Variants in FRY observed in about 807,000 individuals in gnomAD.
FRY encodes protein furry homolog.
Under a neutral mutation model 348.4 loss-of-function variants are expected in FRY, and 128 were observed. The ratio of observed to expected loss-of-function variants is 0.37; its 90% CI spans 0.32 to 0.43. FRY has a LOEUF of 0.43. FRY is among the 20% of genes least tolerant of loss of function. FRY has a pLI of 1.00. For missense variants in FRY, 2,736 were observed against 3,695.2 expected, an observed-to-expected ratio of 0.74 and a Z score of 6.73; for synonymous variants, 1,370 against 1,374.7, an observed-to-expected ratio of 1.00 and a Z score of 0.08.
chr13:32,096,303 C>A (rs895551502), intron 2 of FRY, among the ~76,000 whole-genome samples: 1 of 152,044 alleles, frequency 6.6e-6, no homozygotes, highest in Non-Finnish European at 1.5e-5. Context: ...TTTAACACAC[C>A]CTGATAACTT....
At chr13:32,121,403 TC>T (rs59578089) in intron 4 of FRY, among the ~76,000 whole-genome samples, 12,399 of 152,286 alleles carry the variant, frequency 0.081, 548 homozygotes, top group African/African-American at 0.13. Flanking sequence ...GCAGAAGTGT[TC>T]CCTGTTCACT....
intron 40 of FRY, 49 bp downstream of exon 40, chr13:32,228,703 A>G (rs1427301723): frequency 6.7e-7 from 1 of 1,491,710 alleles, no homozygotes; most frequent in Non-Finnish European, 9.4e-7. Flanking sequence ...GGTCTTTCGG[A>G]AAATTGCCAA....
intron 1 of FRY, among the ~76,000 whole-genome samples, chr13:32,058,561 C>T (rs1292497290): frequency 6.6e-6 from 1 of 152,210 alleles, no homozygotes; most frequent in Non-Finnish European, 1.5e-5. Context: ...CATCAGCTGA[C>T]AGCTGTCACT....
intron 1 of FRY, among the ~76,000 whole-genome samples, chr13:32,036,931 T>A (rs1012386162): frequency 3.9e-5 from 6 of 151,972 alleles, no homozygotes; most frequent in African/African-American, 1.5e-4. Flanking sequence ...TCATTTTTAG[T>A]TTTGTTGGCT....
intron 1 of FRY, among the ~76,000 whole-genome samples, chr13:32,070,802 A>C (rs1468880016): frequency 2.6e-5 from 4 of 152,110 alleles, no homozygotes; most frequent in Non-Finnish European, 5.9e-5. Context: ...TATGTCCTGA[A>C]TGGTATTGCC....
intron 1 of FRY, among the ~76,000 whole-genome samples, chr13:32,068,453 G>A (rs1874396336): frequency 6.6e-6 from 1 of 152,148 alleles, no homozygotes; most frequent in Admixed American, 6.5e-5. Flanking sequence ...CTTTGCGCAC[G>A]GATCTTGGCA....
In FRY at chr13:32,249,635, C is replaced by G; in HGVS notation, c.7118C>G (p.Ser2373Cys). The change falls in exon 49 of 61, where the codon TCC (serine) becomes TGC (cysteine). Residue 2373 changes from serine (S) to cysteine (C), a missense_variant. Ser to Cys is a moderately radical substitution (Grantham distance 112). Coordinates refer to ENST00000542859, the MANE Select transcript of FRY (RefSeq NM_023037.3). Reference protein sequence around the residue: ...TRSTSSTSSGSNSNVLVPVSW... With the variant: ...TRSTSSTSSGCNSNVLVPVSW... ...AGCACATCTTCCACTTCCTCAGGCT[C>G]CAACTCCAACGTCCTTGTTCCAGTG... The G allele has an allele frequency of 1.2e-6, 2 of 1,614,214 alleles. No individual in the cohort carries two copies. Among genetic ancestry groups the G allele is most frequent in the South Asian group, 2.2e-5 (2 of 91,078 alleles).
At chr13:32,148,826 A>G (rs1372859453) in intron 13 of FRY, among the ~76,000 whole-genome samples, 2 of 152,230 alleles carry the variant, frequency 1.3e-5, no homozygotes, top group African/African-American at 4.8e-5. Context: ...AGATGATTTG[A>G]CAGTGATAGC....
intron 58 of FRY, among the ~76,000 whole-genome samples, chr13:32,279,282 G>T (rs900265397): frequency 6.6e-6 from 1 of 152,214 alleles, no homozygotes; most frequent in Non-Finnish European, 1.5e-5. Flanking sequence ...CATGGAAGTA[G>T]CATCTTGGCA....
chr13:32,084,481 C>A (rs544033399), intron 2 of FRY, among the ~76,000 whole-genome samples: 2 of 152,120 alleles, frequency 1.3e-5, no homozygotes, highest in African/African-American at 4.8e-5. Context: ...TTCTGCCTAC[C>A]CTTTAAGGCC....
chr13:32,278,390 C>T (rs1043545838), intron 57 of FRY, 75 bp from the exon 58 acceptor site: 1 of 829,224 alleles, frequency 1.2e-6, no homozygotes, highest in Admixed American at 1.7e-5. Flanking sequence ...TGAATTTTTT[C>T]CTAATGGAAT....
chr13:32,286,914 C>A (rs564290161), intron 58 of FRY, among the ~76,000 whole-genome samples: 1 of 151,820 alleles, frequency 6.6e-6, no homozygotes, highest in East Asian at 1.9e-4. Context: ...AATCCCAGAA[C>A]TTTGGGAGGC....
intron 2 of FRY, among the ~76,000 whole-genome samples, chr13:32,090,862 A>G (rs1876251607): frequency 6.6e-6 from 1 of 152,192 alleles, no homozygotes; most frequent in African/African-American, 2.4e-5. Flanking sequence ...GTGGCAGAGA[A>G]ATAGGCTCCA....
chr13:32,063,158 A>G (rs1309530210), intron 1 of FRY, among the ~76,000 whole-genome samples: 1 of 152,152 alleles, frequency 6.6e-6, no homozygotes, highest in Non-Finnish European at 1.5e-5. Context: ...TGCGATGTTT[A>G]TTTGTCAAAA....
chr13:32,228,711 C>G (rs1441514873), intron 40 of FRY, 57 bp downstream of exon 40: 1 of 1,439,586 alleles, frequency 6.9e-7, no homozygotes, highest in African/African-American at 1.4e-5. Context: ...GGAAAATTGC[C>G]AACGCTTTAA....
rs202102205 is a variant in FRY, at chr13:32,252,512, A to C, written c.7245+560A>C. ...TTATAAGTAAACTTTGGAAGCTTTT[A>C]TAAAATTTAGAAAAAATTGAATTAG... On this transcript the variant is annotated intron_variant, in intron 50 of 60. Transcript: ENST00000542859. Among the ~76,000 whole-genome samples the C allele has an allele frequency of 2.6e-5, 4 of 152,266 alleles. No individual in the cohort carries two copies. In the South Asian group the frequency reaches 8.3e-4, roughly 32 times the overall value.
chr13:32,052,217 T>C lies in FRY; in HGVS notation c.70+20352T>C, dbSNP rs553195526. Reference sequence around the variant, plus strand: ...CTCCCAGTCTCACCTGGCCTGATACTTTTTGAAGTGATCAATAAATGTTAT... The same window carrying C: ...CTCCCAGTCTCACCTGGCCTGATACCTTTTGAAGTGATCAATAAATGTTAT... On this transcript the variant is annotated intron_variant, in intron 1 of 60. Transcript: ENST00000542859. Among the ~76,000 whole-genome samples the C allele has an allele frequency of 4.6e-5, 7 of 152,358 alleles. No homozygotes were observed. The South Asian group carries it at 1.4e-3, about 32-fold the overall frequency.
intron 55 of FRY, among the ~76,000 whole-genome samples, chr13:32,272,241 T>C (rs1261905620): frequency 6.6e-6 from 1 of 152,216 alleles, no homozygotes; most frequent in Non-Finnish European, 1.5e-5. Context: ...AACATTTCCC[T>C]GTAAGTGTGA....
chr13:32,192,131 GAT>G (rs1883372973), intron 28 of FRY, among the ~76,000 whole-genome samples: 1 of 152,116 alleles, frequency 6.6e-6, no homozygotes, highest in Admixed American at 6.5e-5. Context: ...ACCTGGTGGT[GAT>G]CATAGGAGGG....
Sources: allele counts gnomAD v4.1 joint callset (sites outside exome capture counted in the v4.1 genomes callset), GRCh38; gene constraint gnomAD v4.1.1; transcripts MANE v1.5; gene names NCBI Gene and HGNC (gene_info 2026-07-23, HGNC 2026-07-21).